GSK3B: variants seen among roughly 807,000 people sequenced by gnomAD.
The protein encoded by GSK3B is glycogen synthase kinase 3 beta, also known as glycogen synthase kinase-3 beta.
GSK3B carries 15 observed loss-of-function variants against 56.4 expected under a neutral mutation model. The observed-to-expected ratio is 0.27, with a 90% CI of 0.18 to 0.41. The LOEUF (loss-of-function observed/expected upper bound fraction) is 0.41. Ranked by LOEUF, GSK3B falls within the 10% of genes least tolerant of loss-of-function variation. The probability of loss-of-function intolerance (pLI) is 1.00; values close to 1 mark genes in which losing one functional copy is unlikely to be tolerated. For synonymous variants in GSK3B, 181 were observed against 188.9 expected, an observed-to-expected ratio of 0.96 and a Z score of 0.34; for missense variants, 300 against 513.4, an observed-to-expected ratio of 0.58 and a Z score of 4.02.
At chr3:120,051,404 C>G (rs1004875066) in intron 1 of GSK3B, among the ~76,000 whole-genome samples, 1 of 152,174 alleles carries the variant, frequency 6.6e-6, no homozygotes, top group African/African-American at 2.4e-5. Context: ...TATAGCACAG[C>G]CACTCAGTAG....
chr3:120,015,840 G>A (rs1448767510), intron 1 of GSK3B, among the ~76,000 whole-genome samples: 1 of 151,986 alleles, frequency 6.6e-6, no homozygotes, highest in African/African-American at 2.4e-5. Flanking sequence ...TAGTGCTTTT[G>A]TGTCTTCCTA....
At chr3:119,957,644 A>C (rs1272094941) in intron 2 of GSK3B, among the ~76,000 whole-genome samples, 1 of 152,234 alleles carries the variant, frequency 6.6e-6, no homozygotes, top group Non-Finnish European at 1.5e-5. Flanking sequence ...CTATGAGCTG[A>C]CCACTCTGTT....
chr3:120,085,581 C>A (rs1289924843), intron 1 of GSK3B, among the ~76,000 whole-genome samples: 1 of 152,168 alleles, frequency 6.6e-6, no homozygotes, highest in Non-Finnish European at 1.5e-5. Flanking sequence ...CAGCAGATTG[C>A]CTGAGGTCAG....
At chr3:119,850,854 G>C (rs2055920734) in intron 9 of GSK3B, among the ~76,000 whole-genome samples, 1 of 152,154 alleles carries the variant, frequency 6.6e-6, no homozygotes, top group Admixed American at 6.5e-5. Flanking sequence ...CTAAGCTTGA[G>C]AGTAGGGGGA....
intron 2 of GSK3B, among the ~76,000 whole-genome samples, chr3:119,948,437 A>AAGCC (rs2057122026): frequency 7.2e-5 from 11 of 152,240 alleles, no homozygotes; most frequent in Admixed American, 7.2e-4. Flanking sequence ...GCTTATGTGT[A>AAGCC]CAATGGTATT....
intron 8 of GSK3B, among the ~76,000 whole-genome samples, chr3:119,866,369 C>T (rs1187913398): frequency 4.6e-5 from 7 of 152,190 alleles, no homozygotes; most frequent in African/African-American, 1.7e-4. Context: ...AATTCCTAAA[C>T]TTCAGCCTAG....
intron 3 of GSK3B, among the ~76,000 whole-genome samples, chr3:119,936,830 A>C (rs1312817742): frequency 1.3e-5 from 2 of 151,996 alleles, no homozygotes; most frequent in Non-Finnish European, 2.9e-5. Context: ...AATGAACAGA[A>C]CATCAAGACA....
intron 2 of GSK3B, among the ~76,000 whole-genome samples, chr3:119,991,037 C>G (rs980675951): frequency 3.9e-5 from 6 of 152,170 alleles, no homozygotes; most frequent in African/African-American, 1.4e-4. Context: ...AATTACAGAA[C>G]AAGTGAAACT....
intron 1 of GSK3B, among the ~76,000 whole-genome samples, chr3:120,070,862 G>C (rs1229569108): frequency 2.6e-5 from 4 of 152,108 alleles, no homozygotes; most frequent in Admixed American, 2.6e-4. Flanking sequence ...CTTAGGAATC[G>C]GCAAGATTAG....
intron 2 of GSK3B, among the ~76,000 whole-genome samples, chr3:119,948,720 CAG>C (rs760097016): frequency 1.3e-5 from 2 of 152,158 alleles, no homozygotes; most frequent in African/African-American, 4.8e-5. Context: ...TTGTTTGAGA[CAG>C]AGTTTCACTC....
At chr3:119,879,221 C>T (rs2056351027) in intron 7 of GSK3B, among the ~76,000 whole-genome samples, 2 of 152,100 alleles carry the variant, frequency 1.3e-5, no homozygotes, top group Admixed American at 6.6e-5. Context: ...CACACTGTTG[C>T]CCAGGCTGGA....
intron 9 of GSK3B, among the ~76,000 whole-genome samples, chr3:119,852,520 G>C (rs1458832826): frequency 6.6e-6 from 1 of 151,902 alleles, no homozygotes; most frequent in African/African-American, 2.4e-5. Context: ...GCTAATTTTT[G>C]TATTTTTAGT....
intron 7 of GSK3B, among the ~76,000 whole-genome samples, chr3:119,902,375 G>C (rs373787876): frequency 6.6e-6 from 1 of 151,938 alleles, no homozygotes; most frequent in East Asian, 1.9e-4. Context: ...CAGGAAGGAA[G>C]GAGAAAGAAA....
At chr3:119,909,620 T>C (rs1409666858) in intron 6 of GSK3B, among the ~76,000 whole-genome samples, 1 of 152,172 alleles carries the variant, frequency 6.6e-6, no homozygotes, top group African/African-American at 2.4e-5. Context: ...TCACTAAACA[T>C]CTTGGGTGAC....
chr3:120,034,764 T>G (rs913089087), intron 1 of GSK3B, among the ~76,000 whole-genome samples: 2 of 152,172 alleles, frequency 1.3e-5, no homozygotes, highest in African/African-American at 4.8e-5. Context: ...GAATGTGACC[T>G]TATTTAGAAA....
At chr3:119,839,874 C>G (rs2055747673) in intron 10 of GSK3B, among the ~76,000 whole-genome samples, 1 of 151,944 alleles carries the variant, frequency 6.6e-6, no homozygotes, top group South Asian at 2.1e-4. Flanking sequence ...ATTAATTCGC[C>G]CCAGGGTATG....
At chr3:120,053,986 C>T (rs539737934) in intron 1 of GSK3B, among the ~76,000 whole-genome samples, 9 of 152,218 alleles carry the variant, frequency 5.9e-5, no homozygotes, top group African/African-American at 2.2e-4. Context: ...CTAATACAGC[C>T]CTGAACTGTT....
At chr3:119,956,978 A>G (rs1046509290) in intron 2 of GSK3B, among the ~76,000 whole-genome samples, 2 of 152,232 alleles carry the variant, frequency 1.3e-5, no homozygotes, top group African/African-American at 4.8e-5. Flanking sequence ...GTTTACAACA[A>G]TATGTGTAAG....
intron 8 of GSK3B, among the ~76,000 whole-genome samples, chr3:119,864,477 A>G (rs553253542): frequency 4.6e-4 from 70 of 152,364 alleles, no homozygotes; most frequent in Middle Eastern, 3.4e-3. Context: ...GGATAGAAAT[A>G]AACAGACGAG....
Sources: allele counts gnomAD v4.1 joint callset (sites outside exome capture counted in the v4.1 genomes callset), GRCh38; gene constraint gnomAD v4.1.1; transcripts MANE v1.5; gene names NCBI Gene and HGNC (gene_info 2026-07-23, HGNC 2026-07-21).